The following CTR9 variants were observed in gnomAD, a reference collection of about 807,000 sequenced individuals.
CTR9 encodes the protein CTR9 component of Paf1/RNA polymerase II complex, also known as RNA polymerase-associated protein CTR9 homolog.
A neutral mutation model predicts 152.1 loss-of-function variants in CTR9; 41 were observed. The ratio of observed to expected loss-of-function variants is 0.27; its 90% CI spans 0.21 to 0.35. The LOEUF is 0.35. CTR9 is among the 10% of genes least tolerant of loss of function. CTR9 has a pLI of 1.00. For missense variants in CTR9, 917 were observed against 1,424.4 expected, an observed-to-expected ratio of 0.64 and a Z score of 5.73; for synonymous variants, 476 against 496.2, an observed-to-expected ratio of 0.96 and a Z score of 0.54.
intron 2 of CTR9, among the ~76,000 whole-genome samples, chr11:10,753,726 CCTT>C (rs1290085238): frequency 6.7e-6 from 1 of 149,858 alleles, no homozygotes; most frequent in Non-Finnish European, 1.5e-5. Flanking sequence ...CATATGCCCT[CCTT>C]AACAGCACTT....
chr11:10,776,488 C>G (rs1369308711), intron 24 of CTR9, among the ~76,000 whole-genome samples: 1 of 152,196 alleles, frequency 6.6e-6, no homozygotes, highest in Non-Finnish European at 1.5e-5. Context: ...GATTTCTCAA[C>G]CAGGTCTCTT....
At chr11:10,770,449 T>C (rs1863126176) in intron 17 of CTR9, 38 bp from the exon 18 acceptor site, 1 of 1,599,164 alleles carries the variant, frequency 6.3e-7, no homozygotes, top group Admixed American at 1.7e-5. Flanking sequence ...CCTTTTCATG[T>C]CATTTGAACA....
intron 5 of CTR9, among the ~76,000 whole-genome samples, chr11:10,757,928 C>G (rs1055659371): frequency 6.6e-6 from 1 of 152,096 alleles, no homozygotes; most frequent in Non-Finnish European, 1.5e-5. Flanking sequence ...TGTGTGAAGA[C>G]CTAAAAAACA....
In CTR9 at chr11:10,774,071, A is replaced by G. The variant is rs755595896; in HGVS notation, c.2787A>G (p.Leu929=). 6.2e-7 allele frequency: 1 copy of G among 1,612,862 alleles called. No individual in the cohort carries two copies. The highest frequency in any genetic ancestry group is 8.5e-7 in the Non-Finnish European group (1 of 1,178,954). Residue 929 remains leucine, a synonymous_variant, in exon 22 of 25, where the codon CTA becomes CTG. Transcript: ENST00000361367. ...TCAATGATGACACTGATGATGACCT[A>G]CCTATATCCAAAAAGAAGAAGAGAA... ...EFVNDDTDDD[L]PISKKKKRRK...
chr11:10,774,706 A>G (rs918638550), intron 22 of CTR9, among the ~76,000 whole-genome samples: 3 of 152,138 alleles, frequency 2.0e-5, no homozygotes, highest in Admixed American at 6.5e-5. Context: ...TTGTTGTGCT[A>G]TCCTGTCCCC....
At chr11:10,763,344 A>G in intron 7 of CTR9, 87 bp from the exon 8 acceptor site, 1 of 848,410 alleles carries the variant, frequency 1.2e-6, no homozygotes, top group South Asian at 1.4e-5. Context: ...TGTATCTTAC[A>G]GGTAAACGAA....
chr11:10,772,310 C>T (rs559850913), intron 19 of CTR9, among the ~76,000 whole-genome samples: 1 of 152,132 alleles, frequency 6.6e-6, no homozygotes, highest in South Asian at 2.1e-4. Context: ...GCCGAGATGG[C>T]ACCATTACAC....
chr11:10,757,224 G>C (rs761124714), intron 5 of CTR9, among the ~76,000 whole-genome samples: 2 of 152,094 alleles, frequency 1.3e-5, no homozygotes, highest in Non-Finnish European at 2.9e-5. Flanking sequence ...GGTTGAGGCT[G>C]CAGTGAGCCA....
intron 2 of CTR9, 53 bp from the exon 3 acceptor site, chr11:10,754,904 CT>C: frequency 1.3e-6 from 2 of 1,548,242 alleles, no homozygotes; most frequent in East Asian, 2.3e-5. Context: ...TTGTGTACAA[CT>C]TTTTATATGG....
intron 21 of CTR9, among the ~76,000 whole-genome samples, chr11:10,773,581 G>A (rs542450804): frequency 1.3e-5 from 2 of 152,200 alleles, no homozygotes; most frequent in Admixed American, 1.3e-4. Context: ...TCTTCCACGT[G>A]GCTTAGTAAA....
Position 10,755,674 on chromosome 11 carries a change from A to G in CTR9, c.385-4A>G, listed in dbSNP as rs979653191. ...AAAATCTAAGATAATACATTACTTC[A>G]TAGAACCATTTGTTGGGAAGAGCCT... On this transcript the variant is annotated splice_region_variant and splice_polypyrimidine_tract_variant and intron_variant, in intron 3 of 24. Transcript: ENST00000361367. 1.3e-6 allele frequency: 2 copies of G among 1,587,848 alleles called. No individual in the cohort carries two copies. Among genetic ancestry groups the G allele is most frequent in the Admixed American group, 1.7e-5 (1 of 59,736 alleles).
At position 10,760,231 on chromosome 11, in the gene CTR9, T is replaced by C; in HGVS notation, c.651T>C (p.Ala217=). 6.2e-7 allele frequency: 1 copy of C among 1,614,116 alleles called. No homozygotes were observed. Among genetic ancestry groups the C allele is most frequent in the South Asian group, 1.1e-5 (1 of 91,084 alleles). Residue 217 remains alanine (A), a synonymous_variant, in exon 6 of 25, where the codon GCT becomes GCC. Coordinates refer to ENST00000361367, the MANE Select transcript of CTR9 (RefSeq NM_014633.5). ...CFVKLNKLEK[A]RLAFSRALEL... The stretch of plus-strand genomic sequence containing the variant: ...TGAAACTTAACAAACTGGAAAAAGC[T>C]CGTCTGGCATTCAGCAGAGCCCTGG...
Position 10,779,216 on chromosome 11 carries a change from A to G in CTR9, c.*111A>G. 5 of 1,141,260 alleles carry G rather than the reference A, an allele frequency of 4.4e-6. No individual in the cohort carries two copies. Among genetic ancestry groups the G allele is most frequent in the African/African-American group, 1.6e-5 (1 of 63,982 alleles). 70.7% of individuals were successfully genotyped at this position (1,141,260 alleles called of 1,614,324 possible). On this transcript the variant is annotated 3_prime_UTR_variant, in exon 25 of 25. Coordinates refer to ENST00000361367, the MANE Select transcript of CTR9 (RefSeq NM_014633.5). ...CAATTGTGAAATTTTTCTTAAGGCA[A>G]TTTTCTTTTCTATCAGTTTGTATAT...
intron 24 of CTR9, among the ~76,000 whole-genome samples, chr11:10,778,085 G>T (rs982338304): frequency 6.6e-6 from 1 of 152,144 alleles, no homozygotes; most frequent in African/African-American, 2.4e-5. Flanking sequence ...TAAACCAAAG[G>T]GCCCCTTTAG....
chr11:10,760,288 T>C lies in CTR9; in HGVS notation c.708T>C (p.Val236=). Residue 236 remains valine, a synonymous_variant, in exon 6 of 25, where the codon GTT becomes GTC. Transcript: ENST00000361367. ...ELNSKCVGAL[V]GLAVLELNNK... Reference sequence around the variant, plus strand: ...ATTCCAAATGCGTGGGAGCATTGGTTGGACTGGCTGTTCTAGAACTCAACA... The same window carrying C: ...ATTCCAAATGCGTGGGAGCATTGGTCGGACTGGCTGTTCTAGAACTCAACA... 1 of 1,614,066 alleles carries C rather than the reference T, an allele frequency of 6.2e-7. No individual in the cohort carries two copies.
At chr11:10,756,411 C>T (rs1017300314) in intron 4 of CTR9, among the ~76,000 whole-genome samples, 1 of 152,142 alleles carries the variant, frequency 6.6e-6, no homozygotes, top group African/African-American at 2.4e-5. Context: ...CTCCCACCCT[C>T]CACCCTCCAA....
At chr11:10,765,751 C>T (rs1052893629) in intron 12 of CTR9, among the ~76,000 whole-genome samples, 10 of 152,272 alleles carry the variant, frequency 6.6e-5, no homozygotes, top group Admixed American at 3.9e-4. Context: ...CGTGAGCCAC[C>T]GTGCCCGGCA....
At position 10,766,611 on chromosome 11, in the gene CTR9, A is replaced by G. The variant is rs184524139; in HGVS notation, c.1686+121A>G. ...TTTTGTCATTTTTTGTTTTGTTTTC[A>G]TTTACTTGTTAGATACTAAAAATGT... On this transcript the variant is annotated intron_variant, in intron 13 of 24. Transcript: ENST00000361367. The G allele has an allele frequency of 5.7e-4, 392 of 684,640 alleles. No homozygotes were observed. In the African/African-American group the frequency reaches 6.6e-3, roughly 12 times the overall value. The allele number at this position is 684,640 out of a possible 1,614,324, so 42.4% of individuals were successfully genotyped here. A position where few individuals can be genotyped will look rare whatever the true frequency, so the allele number is the denominator to read the frequency against.
chr11:10,771,761 C>T (rs1311528865), intron 19 of CTR9, 145 bp downstream of exon 19: 4 of 579,932 alleles, frequency 6.9e-6, no homozygotes, highest in Non-Finnish European at 1.2e-5. Context: ...CTAATCTTTG[C>T]CAGGACTTTT....
Sources: allele counts gnomAD v4.1 joint callset (sites outside exome capture counted in the v4.1 genomes callset), GRCh38; gene constraint gnomAD v4.1.1; transcripts MANE v1.5; gene names NCBI Gene and HGNC (gene_info 2026-07-23, HGNC 2026-07-21).